CNTN4: variants seen among roughly 807,000 people sequenced by gnomAD.
The protein encoded by CNTN4 is contactin 4.
A neutral mutation model predicts 122.5 loss-of-function variants in CNTN4; 77 were observed. That is an observed-to-expected ratio of 0.63 (90% CI 0.52 to 0.76). The LOEUF is 0.76. CNTN4 is among the 30% of genes least tolerant of loss of function. The pLI is 0.00. For missense variants in CNTN4, 1,256 were observed against 1,259.1 expected, an observed-to-expected ratio of 1.00 and a Z score of 0.04; for synonymous variants, 512 against 447.0, an observed-to-expected ratio of 1.15 and a Z score of -1.83.
intron 14 of CNTN4, among the ~76,000 whole-genome samples, chr3:3,006,231 G>T (rs1386519414): frequency 6.6e-6 from 1 of 152,030 alleles, no homozygotes; most frequent in South Asian, 2.1e-4. Context: ...TTTTGGTTTT[G>T]GTTATTTGAA....
At chr3:2,266,222 C>T (rs1193466156) in intron 2 of CNTN4, among the ~76,000 whole-genome samples, 3 of 152,050 alleles carry the variant, frequency 2.0e-5, no homozygotes, top group East Asian at 1.9e-4. Context: ...ACCTTAATCA[C>T]GTTGAGGAAT....
intron 4 of CNTN4, among the ~76,000 whole-genome samples, chr3:2,603,247 G>A (rs533531977): frequency 6.6e-6 from 1 of 152,072 alleles, no homozygotes; most frequent in Non-Finnish European, 1.5e-5. Context: ...TGCCAAACAT[G>A]GAAGACTAAT....
chr3:2,683,384 A>G (rs138596627), intron 4 of CNTN4, among the ~76,000 whole-genome samples: 144 of 152,066 alleles, frequency 9.5e-4, no homozygotes, highest in African/African-American at 3.3e-3. Flanking sequence ...GCTTTTATCG[A>G]AAGTTTTGTT....
chr3:2,489,386 A>T (rs1435487492), intron 3 of CNTN4, among the ~76,000 whole-genome samples: 1 of 152,198 alleles, frequency 6.6e-6, no homozygotes, highest in Non-Finnish European at 1.5e-5. Flanking sequence ...AACTGGAGAA[A>T]GGCTGGGCTA....
chr3:3,056,108 C>A lies in CNTN4; in HGVS notation c.2981-12C>A. 6.2e-7 allele frequency: 1 copy of A among 1,610,428 alleles called. No individual in the cohort carries two copies. ...TGGGGCTGTTTTGAGTGAATTTGTT[C>A]TCTCTTTTCAGATGCCTACGCGAGA... On this transcript the variant is annotated splice_polypyrimidine_tract_variant and intron_variant, in intron 24 of 24. Coordinates refer to ENST00000418658, the MANE Select transcript of CNTN4 (RefSeq NM_175607.3).
At chr3:2,552,357 G>T (rs1275769156) in intron 3 of CNTN4, among the ~76,000 whole-genome samples, 1 of 152,070 alleles carries the variant, frequency 6.6e-6, no homozygotes, top group East Asian at 1.9e-4. Context: ...TAAAGAAAAG[G>T]TAAAAGAATA....
At chr3:2,370,899 T>C (rs1440843191) in intron 3 of CNTN4, among the ~76,000 whole-genome samples, 2 of 152,214 alleles carry the variant, frequency 1.3e-5, no homozygotes, top group African/African-American at 2.4e-5. Flanking sequence ...AATCAATCTA[T>C]TGATAGTGTT....
intron 3 of CNTN4, among the ~76,000 whole-genome samples, chr3:2,524,129 A>G (rs895570412): frequency 1.3e-5 from 2 of 151,990 alleles, no homozygotes; most frequent in African/African-American, 2.4e-5. Flanking sequence ...ATGAAACCCC[A>G]CCTGTTCACA....
At chr3:2,681,712 A>AATAT (rs140336657) in intron 4 of CNTN4, among the ~76,000 whole-genome samples, 27 of 151,016 alleles carry the variant, frequency 1.8e-4, no homozygotes, top group Admixed American at 2.7e-4. Context: ...TTCATGTATA[A>AATAT]ATATATATAT....
At chr3:2,494,819 T>C (rs912747247) in intron 3 of CNTN4, among the ~76,000 whole-genome samples, 71 of 152,342 alleles carry the variant, frequency 4.7e-4, no homozygotes, top group African/African-American at 1.5e-3. Context: ...ATCTCTGTGT[T>C]AATGCTGGCC....
intron 13 of CNTN4, among the ~76,000 whole-genome samples, chr3:2,981,481 G>T (rs344390): frequency 6.6e-6 from 1 of 151,382 alleles, no homozygotes; most frequent in East Asian, 1.9e-4. Context: ...GAGGACTCCC[G>T]TACCCTCACT....
intron 2 of CNTN4, among the ~76,000 whole-genome samples, chr3:2,172,670 A>C (rs1227152651): frequency 6.6e-6 from 1 of 152,224 alleles, no homozygotes; most frequent in East Asian, 1.9e-4. Flanking sequence ...AAGATTTCTG[A>C]ATGTGAGAAG....
At chr3:2,579,700 T>G (rs2149552814) in intron 4 of CNTN4, among the ~76,000 whole-genome samples, 1 of 152,346 alleles carries the variant, frequency 6.6e-6, no homozygotes, top group African/African-American at 2.4e-5. Flanking sequence ...TTAACATATG[T>G]TGAAGGTTCC....
At chr3:2,398,946 C>CA (rs1263496227) in intron 3 of CNTN4, among the ~76,000 whole-genome samples, 1 of 152,060 alleles carries the variant, frequency 6.6e-6, no homozygotes, top group Non-Finnish European at 1.5e-5. Context: ...TTATTACATA[C>CA]ATCTTAAGTT....
At chr3:2,730,795 C>T (rs2088620448) in intron 4 of CNTN4, among the ~76,000 whole-genome samples, 1 of 152,104 alleles carries the variant, frequency 6.6e-6, no homozygotes, top group Non-Finnish European at 1.5e-5. Context: ...CTCTGCTCAG[C>T]CTCAGCCCAG....
chr3:2,907,163 C>T (rs995891579), intron 12 of CNTN4, among the ~76,000 whole-genome samples: 25 of 152,168 alleles, frequency 1.6e-4, no homozygotes, highest in African/African-American at 5.8e-4. Context: ...CCTTATATAG[C>T]AGGAATAGTT....
At chr3:2,905,998 T>C (rs562558659) in intron 12 of CNTN4, among the ~76,000 whole-genome samples, 3 of 152,326 alleles carry the variant, frequency 2.0e-5, no homozygotes, top group African/African-American at 7.2e-5. Flanking sequence ...TAGAATACTA[T>C]GTAGCCATAA....
At chr3:2,192,385 G>T (rs1370783516) in intron 2 of CNTN4, among the ~76,000 whole-genome samples, 1 of 152,030 alleles carries the variant, frequency 6.6e-6, no homozygotes, top group African/African-American at 2.4e-5. Context: ...ATCCTCTCCA[G>T]CACCTGTTGT....
intron 3 of CNTN4, among the ~76,000 whole-genome samples, chr3:2,535,034 A>C (rs145793959): frequency 6.6e-6 from 1 of 152,168 alleles, no homozygotes; most frequent in Non-Finnish European, 1.5e-5. Flanking sequence ...ACATAATAGC[A>C]AGAATTGACT....
Sources: allele counts gnomAD v4.1 joint callset (sites outside exome capture counted in the v4.1 genomes callset), GRCh38; gene constraint gnomAD v4.1.1; transcripts MANE v1.5; gene names NCBI Gene and HGNC (gene_info 2026-07-23, HGNC 2026-07-21).